The following HNRNPA2B1 variants were observed in gnomAD, a reference collection of about 807,000 sequenced individuals.
HNRNPA2B1 encodes heterogeneous nuclear ribonucleoprotein A2/B1.
HNRNPA2B1 carries 3 observed loss-of-function variants against 46.3 expected under a neutral mutation model. The observed-to-expected ratio is 0.06, with a 90% confidence interval of 0.03 to 0.17. The LOEUF (loss-of-function observed/expected upper bound fraction) is 0.17, where lower values mean the gene tolerates loss of function less well. Ranked by LOEUF, HNRNPA2B1 falls within the 10% of genes least tolerant of loss-of-function variation. The pLI is 1.00. For synonymous variants in HNRNPA2B1, 225 were observed against 133.8 expected (o/e 1.68, Z -4.70); for missense variants, 221 against 418.9 (o/e 0.53, Z 4.12).
At chr7:26,195,505 T>TACA (rs1783466535) in intron 7 of HNRNPA2B1, among the ~76,000 whole-genome samples, 1 of 152,248 alleles carries the variant, frequency 6.6e-6, no homozygotes, top group Non-Finnish European at 1.5e-5. Context: ...TATTTTTTCC[T>TACA]ACATATACCA....
In HNRNPA2B1 at chr7:26,197,740, G is replaced by A. The variant is rs760997086; in HGVS notation, c.7-8C>T. ...GAACTGTTCCTTTTCTCTCTGCAAA[G>A]GAAAATACCATTTCAATTTTTATTT... On this transcript the variant is annotated splice_polypyrimidine_tract_variant and splice_region_variant and intron_variant, in intron 1 of 10. Transcript: ENST00000618183. The A allele has an allele frequency of 5.6e-6, 9 of 1,605,480 alleles. No homozygotes were observed. The highest frequency in any genetic ancestry group is 1.7e-4 in the Middle Eastern group (1 of 6,058).
Position 26,193,847 on chromosome 7 carries a change from G to A in HNRNPA2B1, c.722-153C>T, listed in dbSNP as rs1783187197. Among the ~76,000 whole-genome samples the A allele has an allele frequency of 2.0e-5, 3 of 152,102 alleles. No homozygotes were observed. In the South Asian group the frequency reaches 6.2e-4, roughly 32 times the overall value. ...CTTCAAGGACTGAATAACTATCCTT[G>A]GTAAACATTTGGTGGCTGGGGTTAC... is the stretch of plus-strand genomic sequence containing the variant. On this transcript the variant is annotated intron_variant, in intron 7 of 10. Coordinates refer to ENST00000618183, the MANE Select transcript of HNRNPA2B1 (RefSeq NM_002137.4).
rs1215008121 is a variant in HNRNPA2B1 at position 26,190,244 on chromosome 7, ACT to A, written c.*2114_*2115del. On this transcript the variant is annotated 3_prime_UTR_variant, in exon 11 of 11. Coordinates refer to ENST00000618183, the MANE Select transcript of HNRNPA2B1 (RefSeq NM_002137.4). ...TTATCTCTCTAGCCAATTTGATGTTACTGTTTTACAAACAACACTCATTTTGT... is the reference window on the plus strand; with the variant it reads ...TTATCTCTCTAGCCAATTTGATGTTAGTTTTACAAACAACACTCATTTTGT... The A allele has an allele frequency of 6.6e-6, 1 of 152,642 alleles. No homozygotes were observed. The highest frequency in any genetic ancestry group is 6.5e-5 in the Admixed American group (1 of 15,280). 9.5% of individuals were successfully genotyped at this position (152,642 alleles called of 1,614,324 possible). A position where few individuals can be genotyped will look rare whatever the true frequency, so the allele number is the denominator to read the frequency against.
intron 4 of HNRNPA2B1, 27 bp from the exon 5 acceptor site, chr7:26,196,685 TAAATTA>T (rs776984857): frequency 6.3e-7 from 1 of 1,592,082 alleles, no homozygotes; most frequent in Non-Finnish European, 8.6e-7. Flanking sequence ...AGACTCCTTT[TAAATTA>T]AATCAACAAT....
At position 26,191,645 on chromosome 7, in the gene HNRNPA2B1, A is replaced by T. The variant is rs944273929; in HGVS notation, c.*715T>A. The stretch of plus-strand genomic sequence containing the variant: ...CCTTGCATTGAAGAAGCAGCATCTA[A>T]AAGATCTAAAAAGGTGTTTCTCCTT... On this transcript the variant is annotated 3_prime_UTR_variant, in exon 11 of 11. Transcript: ENST00000618183. The T allele has an allele frequency of 6.6e-6, 1 of 152,202 alleles. No homozygotes were observed. The highest frequency in any genetic ancestry group is 2.4e-5 in the African/African-American group (1 of 41,436). 9.4% of individuals were successfully genotyped at this position (152,202 alleles called of 1,614,324 possible). A position where few individuals can be genotyped will look rare whatever the true frequency, so the allele number is the denominator to read the frequency against.
Position 26,200,667 on chromosome 7 carries a change from C to A in HNRNPA2B1, c.-90G>T, listed in dbSNP as rs1209869352. 3.9e-6 allele frequency: 6 copies of A among 1,535,202 alleles called. No individual in the cohort carries two copies. The highest frequency in any genetic ancestry group is 4.5e-6 in the Non-Finnish European group (5 of 1,111,870). The stretch of plus-strand genomic sequence containing the variant: ...CGAACACGAACCGGACTCGTCCTGG[C>A]GCTGTAGTGAGAACTGCCGCTGCTC... On this transcript the variant is annotated 5_prime_UTR_variant, in exon 1 of 11. Transcript: ENST00000618183.
Position 26,200,730 on chromosome 7 carries a change from C to G in HNRNPA2B1, c.-153G>C, listed in dbSNP as rs761575763. 1.1e-6 allele frequency: 1 copy of G among 944,430 alleles called. No homozygotes were observed. Among genetic ancestry groups the G allele is most frequent in the Admixed American group, 1.8e-5 (1 of 55,636 alleles). The allele number at this position is 944,430 out of a possible 1,614,324, so 58.5% of individuals were successfully genotyped here. On this transcript the variant is annotated 5_prime_UTR_variant, in exon 1 of 11. Coordinates refer to ENST00000618183, the MANE Select transcript of HNRNPA2B1 (RefSeq NM_002137.4). ...TGCGAGGAGCACCTCCGCACGGGAC[C>G]CGGCGCTGCTGCTACTGCCGCTAGA...
In HNRNPA2B1 at chr7:26,196,638, T is replaced by G. The variant is rs1783670327; in HGVS notation, c.496A>C (p.Asn166His). 1.2e-6 allele frequency: 2 copies of G among 1,613,678 alleles called. No individual in the cohort carries two copies. The highest frequency in any genetic ancestry group is 2.2e-5 in the South Asian group (2 of 91,056). The stretch of plus-strand genomic sequence containing the variant: ...TTTCTTACTTCTGCATTATGACCAT[T>G]GATGGTATGGTATTTCTGCACTGGA... Reference protein sequence around the residue: ...KIVLQKYHTINGHNAEVRKAL... With the variant: ...KIVLQKYHTIHGHNAEVRKAL... Residue 166 changes from asparagine (N) to histidine (H), a missense_variant, in exon 5 of 11, where the codon AAT becomes CAT. By Grantham distance (68) the Asn-to-His change is moderately conservative. This residue lies in a region of HNRNPA2B1 where 78 missense variants were observed against 218.5 expected (regional missense o/e 0.36). Coordinates refer to ENST00000618183, the MANE Select transcript of HNRNPA2B1 (RefSeq NM_002137.4).
rs538128800 is a variant in HNRNPA2B1, at chr7:26,193,508, A to G, written c.841+67T>C. 3.9e-6 allele frequency: 6 copies of G among 1,550,218 alleles called. No homozygotes were observed. The South Asian group carries it at 6.1e-5, about 16-fold the overall frequency. On this transcript the variant is annotated intron_variant, in intron 8 of 10. Transcript: ENST00000618183. ...GCATCTAGTGACAAACATGGAAACA[A>G]AAGATCAAGTGTTACAAAGACATTA... is the stretch of plus-strand genomic sequence containing the variant.
At chr7:26,199,497 T>A (rs1784095727) in intron 1 of HNRNPA2B1, 1 of 152,200 alleles carries the variant, frequency 6.6e-6, no homozygotes, top group African/African-American at 2.4e-5. Flanking sequence ...TTCCTCGTAA[T>A]CATCTATAAA....
intron 1 of HNRNPA2B1, 175 bp from the exon 2 acceptor site, chr7:26,197,907 T>C: frequency 6.7e-7 from 1 of 1,485,346 alleles, no homozygotes; most frequent in Non-Finnish European, 9.2e-7. Context: ...TTAAACCATA[T>C]GTTAAACTGC....
intron 9 of HNRNPA2B1, 41 bp from the exon 10 acceptor site, chr7:26,192,618 G>C: frequency 2.0e-6 from 3 of 1,508,364 alleles, no homozygotes; most frequent in South Asian, 1.1e-5. Flanking sequence ...AACTTACTTT[G>C]ATTTCCCATG....
At chr7:26,200,532 C>T (rs1251166169) in intron 1 of HNRNPA2B1, 40 bp downstream of exon 1, 3 of 1,609,946 alleles carry the variant, frequency 1.9e-6, no homozygotes, top group Non-Finnish European at 2.5e-6. Flanking sequence ...ACGGCCTCGC[C>T]ATGCCCTTTT....
intron 8 of HNRNPA2B1, 68 bp from the exon 9 acceptor site, chr7:26,193,441 T>C (rs1349656946): frequency 6.5e-7 from 1 of 1,541,564 alleles, no homozygotes; most frequent in East Asian, 2.3e-5. Context: ...AAAGCTCCCA[T>C]AAAAACAAAT....
At chr7:26,192,372 T>A in intron 10 of HNRNPA2B1, 34 bp from the exon 11 acceptor site, 3 of 692,966 alleles carry the variant, frequency 4.3e-6, no homozygotes, top group Non-Finnish European at 7.6e-6. Context: ...AAAAAAAAAA[T>A]AGGTTATGAA....
intron 1 of HNRNPA2B1, 189 bp downstream of exon 1, chr7:26,200,383 A>C (rs1050455345): frequency 3.0e-6 from 2 of 668,474 alleles, no homozygotes; most frequent in Middle Eastern, 2.5e-4. Context: ...CGGGAGGCTG[A>C]GGGTGGGGAA....
intron 2 of HNRNPA2B1, 64 bp from the exon 3 acceptor site, chr7:26,197,525 T>A (rs938649508): frequency 3.8e-6 from 6 of 1,582,164 alleles, no homozygotes; most frequent in Non-Finnish European, 5.2e-6. Context: ...GAAGTCATAA[T>A]AGAATTTTTT....
At position 26,190,300 on chromosome 7, in the gene HNRNPA2B1, A is replaced by T. The variant is rs763076283; in HGVS notation, c.*2060T>A. ...TGTTTTATATCAAGAACCTCAACTA[A>T]ATGTTTGTTTTATCAGAAAACATTT... On this transcript the variant is annotated 3_prime_UTR_variant, in exon 11 of 11. Transcript: ENST00000618183. 3.9e-5 allele frequency: 6 copies of T among 152,636 alleles called. No homozygotes were observed. The highest frequency in any genetic ancestry group is 2.6e-4 in the Admixed American group (4 of 15,278). 9.5% of individuals were successfully genotyped at this position (152,636 alleles called of 1,614,324 possible).
In HNRNPA2B1 at chr7:26,190,550, G is replaced by C. The variant is rs991123373; in HGVS notation, c.*1810C>G. The C allele has an allele frequency of 6.6e-6, 1 of 152,338 alleles. No homozygotes were observed. The highest frequency in any genetic ancestry group is 1.9e-4 in the East Asian group (1 of 5,182). The allele number at this position is 152,338 out of a possible 1,614,324, so 9.4% of individuals were successfully genotyped here. On this transcript the variant is annotated 3_prime_UTR_variant, in exon 11 of 11. Transcript: ENST00000618183. ...CTTCAGTGGTGGTCTTAGGATCAAA[G>C]AAGACTCATTGGTGTATAGAGTAAG...
Sources: gnomAD v4.1 joint callset for allele counts (sites outside exome capture counted in the v4.1 genomes callset) on GRCh38, gnomAD v4.1.1 for gene constraint, gnomAD v4.1.1 regional missense constraint, MANE v1.5 for transcripts, NCBI Gene and HGNC (gene_info 2026-07-23, HGNC 2026-07-21) for gene names.